Variants in PDK1 observed in about 807,000 individuals in gnomAD.
PDK1 encodes pyruvate dehydrogenase kinase 1, also known as [Pyruvate dehydrogenase (acetyl-transferring)] kinase isozyme 1, mitochondrial.
PDK1 carries 39 observed loss-of-function variants against 54.2 expected under a neutral mutation model. The observed-to-expected ratio is 0.72, with a 90% CI of 0.56 to 0.94. PDK1 has a LOEUF of 0.94. Among genes scored for constraint, PDK1 ranks in the 40% least tolerant of loss-of-function variants. The pLI is 0.00. For missense variants in PDK1, 552 were observed against 566.0 expected, an observed-to-expected ratio of 0.98 and a Z score of 0.25; for synonymous variants, 221 against 207.1, an observed-to-expected ratio of 1.07 and a Z score of -0.58.
At chr2:172,660,078 G>C in the PDK1 span, among the ~76,000 whole-genome samples, 5 of 152,052 alleles carry the variant, frequency 3.3e-5, no homozygotes, top group Admixed American at 3.3e-4. Flanking sequence ...AGAGAAAATA[G>C]AGAAAGGTGC....
At chr2:172,689,533 C>G in the PDK1 span, among the ~76,000 whole-genome samples, 3 of 152,170 alleles carry the variant, frequency 2.0e-5, no homozygotes, top group African/African-American at 7.2e-5. Context: ...AAAGACCTTG[C>G]AGTGCCAAGA....
the PDK1 span, among the ~76,000 whole-genome samples, chr2:172,710,609 G>A: frequency 1.3e-5 from 2 of 152,176 alleles, no homozygotes; most frequent in Admixed American, 6.5e-5. Flanking sequence ...TTATGGTCCT[G>A]CACTACTGGG....
chr2:172,688,659 G>T, the PDK1 span, among the ~76,000 whole-genome samples: 3 of 152,176 alleles, frequency 2.0e-5, no homozygotes, highest in Non-Finnish European at 2.9e-5. Flanking sequence ...TAGACCATTT[G>T]CAGGTCTAAT....
the PDK1 span, among the ~76,000 whole-genome samples, chr2:172,720,241 G>C: frequency 6.6e-6 from 1 of 151,078 alleles, no homozygotes; most frequent in Non-Finnish European, 1.5e-5. Flanking sequence ...CAGCCTCCCC[G>C]ATAGCTGGGA....
rs2149187038 is a variant in PDK1 at position 172,558,854 on chromosome 2, G to A, written c.338+5G>A. 1 of 1,607,248 alleles carries A rather than the reference G, an allele frequency of 6.2e-7. No individual in the cohort carries two copies. ...CGTTCAATTGGTACAAAGCTGGTAA[G>A]ATTCTCATCTTGTGTTTGCAATTTG... On this transcript the variant is annotated splice_donor_5th_base_variant and intron_variant, in intron 2 of 10. Transcript: ENST00000282077.
At chr2:172,621,514 C>G in the PDK1 span, among the ~76,000 whole-genome samples, 1 of 148,760 alleles carries the variant, frequency 6.7e-6, no homozygotes, top group African/African-American at 2.5e-5. Flanking sequence ...TGAGTTAATA[C>G]TTAATAAACT....
chr2:172,657,629 C>A, the PDK1 span, among the ~76,000 whole-genome samples: 3 of 151,942 alleles, frequency 2.0e-5, no homozygotes, highest in Non-Finnish European at 4.4e-5. Flanking sequence ...AAGTTAAAGG[C>A]ACTTGAACAA....
chr2:172,687,737 A>T, the PDK1 span, among the ~76,000 whole-genome samples: 1 of 152,174 alleles, frequency 6.6e-6, no homozygotes, highest in East Asian at 1.9e-4. Flanking sequence ...GAATAGCAGG[A>T]GGTGTCCAGG....
chr2:172,642,682 C>G, the PDK1 span, among the ~76,000 whole-genome samples: 2 of 152,160 alleles, frequency 1.3e-5, no homozygotes, highest in African/African-American at 4.8e-5. Flanking sequence ...GGTGGCCGGT[C>G]CCATCCTCAA....
the PDK1 span, among the ~76,000 whole-genome samples, chr2:172,641,751 A>G: frequency 6.6e-6 from 1 of 152,060 alleles, no homozygotes; most frequent in Non-Finnish European, 1.5e-5. Context: ...GTCCCAGATC[A>G]TTTATTTATG....
intron 3 of PDK1, chr2:172,562,855 A>G (rs146518851): frequency 0.018 from 27,267 of 1,553,104 alleles, 340 homozygotes; most frequent in Middle Eastern, 0.034. Context: ...AAACCAAAGT[A>G]TTTGCCTTAT....
the PDK1 span, among the ~76,000 whole-genome samples, chr2:172,692,751 A>G: frequency 2.6e-5 from 4 of 152,288 alleles, no homozygotes; most frequent in East Asian, 5.8e-4. Flanking sequence ...TGATTGGATC[A>G]TGCCATGTGG....
chr2:172,641,534 C>T, the PDK1 span, among the ~76,000 whole-genome samples: 251 of 151,686 alleles, frequency 1.7e-3, no homozygotes, highest in African/African-American at 5.7e-3. Flanking sequence ...CTCTGCCTCC[C>T]GGGTTCACAC....
At chr2:172,609,386 C>T (rs1691393355), downstream of PDK1, among the ~76,000 whole-genome samples, 2 of 152,200 alleles carry the variant, frequency 1.3e-5, no homozygotes, top group Non-Finnish European at 2.9e-5. Context: ...TGTTAAGTAT[C>T]ATATTAAACA....
the PDK1 span, among the ~76,000 whole-genome samples, chr2:172,663,697 T>G: frequency 1.1e-4 from 16 of 152,126 alleles, no homozygotes; most frequent in South Asian, 2.1e-4. Flanking sequence ...CTCCGCTTCT[T>G]GGGTGGAATC....
chr2:172,675,236 G>T, the PDK1 span, among the ~76,000 whole-genome samples: 2 of 152,254 alleles, frequency 1.3e-5, no homozygotes, highest in African/African-American at 4.8e-5. Context: ...TAACCCTATA[G>T]TGGCCTCTAA....
At chr2:172,700,608 C>G in the PDK1 span, among the ~76,000 whole-genome samples, 1 of 152,090 alleles carries the variant, frequency 6.6e-6, no homozygotes, top group South Asian at 2.1e-4. Context: ...GGGTGGCGGC[C>G]AGGTAGAGGC....
chr2:172,621,757 C>T, the PDK1 span, among the ~76,000 whole-genome samples: 1 of 144,328 alleles, frequency 6.9e-6, no homozygotes, highest in Non-Finnish European at 1.5e-5. Flanking sequence ...ATGTTTATAT[C>T]TCATATATGT....
chr2:172,579,344 C>A (rs1256279619), intron 8 of PDK1, among the ~76,000 whole-genome samples: 1 of 152,006 alleles, frequency 6.6e-6, no homozygotes, highest in Non-Finnish European at 1.5e-5. Flanking sequence ...ACTCTGATTG[C>A]ATATTGATTG....
Sources: gnomAD v4.1 joint callset for allele counts (sites outside exome capture counted in the v4.1 genomes callset) on GRCh38, gnomAD v4.1.1 for gene constraint, MANE v1.5 for transcripts, NCBI Gene and HGNC (gene_info 2026-07-23, HGNC 2026-07-21) for gene names.